The following IMMP2L variants were observed in gnomAD, a reference collection of about 807,000 sequenced individuals.
IMMP2L encodes inner mitochondrial membrane peptidase subunit 2.
Under a neutral mutation model 19.3 loss-of-function variants are expected in IMMP2L, and 18 were observed. The observed-to-expected ratio is 0.93, with a 90% CI of 0.64 to 1.38. IMMP2L has a LOEUF of 1.38. Ranked by LOEUF, IMMP2L falls within the 40% of genes most tolerant of loss-of-function variation. The pLI, the probability that IMMP2L is intolerant of heterozygous loss-of-function variation, is 0.00. For synonymous variants in IMMP2L, 76 were observed against 73.0 expected (o/e 1.04, Z -0.21); for missense variants, 233 against 218.2 (o/e 1.07, Z -0.43).
intron 3 of IMMP2L, among the ~76,000 whole-genome samples, chr7:111,186,047 T>C (rs1395457717): frequency 6.6e-6 from 1 of 152,174 alleles, no homozygotes; most frequent in Non-Finnish European, 1.5e-5. Flanking sequence ...GAAACAAATA[T>C]ATAATAACAT....
At chr7:111,288,538 T>C (rs1422431033) in intron 3 of IMMP2L, among the ~76,000 whole-genome samples, 1 of 152,166 alleles carries the variant, frequency 6.6e-6, no homozygotes, top group Non-Finnish European at 1.5e-5. Flanking sequence ...GACAAAGGGC[T>C]AATATCCAGA....
Position 110,747,946 on chromosome 7 carries a change from G to T in IMMP2L, c.409-84225C>A, listed in dbSNP as rs575867545. Among the ~76,000 whole-genome samples, 3 of 152,268 alleles carry T rather than the reference G, an allele frequency of 2.0e-5. No homozygotes were observed. The South Asian group carries it at 6.2e-4, about 32-fold the overall frequency. ...TAAAGGGTATTCAATTAGGAAAAGAGGAAGTCAAATTGTCTCTGTTTGAAG... is the reference window on the plus strand; with the variant it reads ...TAAAGGGTATTCAATTAGGAAAAGATGAAGTCAAATTGTCTCTGTTTGAAG... On this transcript the variant is annotated intron_variant, in intron 5 of 5. Coordinates refer to ENST00000405709, the MANE Select transcript of IMMP2L (RefSeq NM_032549.4).
chr7:111,445,008 A>G (rs573324230), intron 3 of IMMP2L, among the ~76,000 whole-genome samples: 3 of 152,258 alleles, frequency 2.0e-5, no homozygotes, highest in African/African-American at 7.2e-5. Flanking sequence ...TGAGCCTTAG[A>G]AGATTTTTCT....
intron 4 of IMMP2L, among the ~76,000 whole-genome samples, chr7:110,945,294 T>C (rs1329454310): frequency 6.6e-6 from 1 of 151,992 alleles, no homozygotes; most frequent in African/African-American, 2.4e-5. Flanking sequence ...AAAAGCATTC[T>C]TGTGGAAGTG....
Position 110,882,310 on chromosome 7 carries a change from TTCCTTCCTTCCTTCCTTCC to T in IMMP2L, c.408+4264_408+4282del, listed in dbSNP as rs946848254. Among the ~76,000 whole-genome samples the T allele has an allele frequency of 1.1e-4, 12 of 108,446 alleles. No homozygotes were observed. The East Asian group carries it at 3.2e-3, about 29-fold the overall frequency. 71.1% of individuals were successfully genotyped at this position (108,446 alleles called of 152,430 possible). Reference sequence around the variant, plus strand: ...GTGCCTTCCTTCCTTCCTTCCTTCCTTCCTTCCTTCCTTCCTTCCTTCCTTCCTTCCCTCCTTCCTCTCT... The same window carrying T: ...GTGCCTTCCTTCCTTCCTTCCTTCCTTTCCTTCCTTCCCTCCTTCCTCTCT... On this transcript the variant is annotated intron_variant, in intron 5 of 5. Transcript: ENST00000405709.
intron 3 of IMMP2L, among the ~76,000 whole-genome samples, chr7:111,369,296 T>C (rs1239629217): frequency 6.6e-6 from 1 of 151,990 alleles, no homozygotes; most frequent in Non-Finnish European, 1.5e-5. Flanking sequence ...ATGCATCTTC[T>C]ATAGGTTTTT....
At chr7:111,186,079 C>T (rs1432966109) in intron 3 of IMMP2L, among the ~76,000 whole-genome samples, 1 of 152,022 alleles carries the variant, frequency 6.6e-6, no homozygotes, top group African/African-American at 2.4e-5. Context: ...AAGTATTTTG[C>T]TAAATGAGTT....
At chr7:111,417,538 G>T (rs1452675178) in intron 3 of IMMP2L, among the ~76,000 whole-genome samples, 1 of 151,790 alleles carries the variant, frequency 6.6e-6, no homozygotes, top group Admixed American at 6.6e-5. Flanking sequence ...ATGGGGTCCT[G>T]ATATGAAGGT....
At chr7:111,008,937 G>A (rs1489054721) in intron 3 of IMMP2L, among the ~76,000 whole-genome samples, 1 of 152,084 alleles carries the variant, frequency 6.6e-6, no homozygotes, top group Non-Finnish European at 1.5e-5. Flanking sequence ...GCCACTTTGA[G>A]TCATCTCAGT....
At chr7:110,671,702 T>G (rs757217572) in intron 5 of IMMP2L, among the ~76,000 whole-genome samples, 3 of 151,986 alleles carry the variant, frequency 2.0e-5, no homozygotes, top group African/African-American at 7.3e-5. Context: ...CACAAACCTA[T>G]AGTCTACCTA....
chr7:111,153,288 T>C (rs1804275027), intron 3 of IMMP2L, among the ~76,000 whole-genome samples: 1 of 152,118 alleles, frequency 6.6e-6, no homozygotes, highest in Non-Finnish European at 1.5e-5. Flanking sequence ...CAAGGCCTTA[T>C]ACCTACTAAA....
intron 3 of IMMP2L, among the ~76,000 whole-genome samples, chr7:111,217,871 T>C (rs543418822): frequency 6.6e-6 from 1 of 152,176 alleles, no homozygotes; most frequent in Admixed American, 6.5e-5. Context: ...AAATTAAGTT[T>C]AGTATTTTTG....
chr7:111,070,702 G>T (rs537856240), intron 3 of IMMP2L, among the ~76,000 whole-genome samples: 1 of 152,194 alleles, frequency 6.6e-6, no homozygotes, highest in East Asian at 1.9e-4. Flanking sequence ...GCACCATAGT[G>T]GCCATATTTG....
At chr7:111,372,647 T>G (rs1470314062) in intron 3 of IMMP2L, among the ~76,000 whole-genome samples, 1 of 151,910 alleles carries the variant, frequency 6.6e-6, no homozygotes, top group Non-Finnish European at 1.5e-5. Flanking sequence ...GCAAATTCTG[T>G]TTCATAAAAT....
chr7:110,699,181 C>T (rs1794086020), intron 5 of IMMP2L, among the ~76,000 whole-genome samples: 2 of 152,198 alleles, frequency 1.3e-5, no homozygotes, highest in South Asian at 4.1e-4. Context: ...TCCCAAGCTT[C>T]TCTCAGTTGT....
At chr7:111,207,666 G>A (rs1172748901) in intron 3 of IMMP2L, among the ~76,000 whole-genome samples, 1 of 149,888 alleles carries the variant, frequency 6.7e-6, no homozygotes, top group African/African-American at 2.5e-5. Flanking sequence ...CTCCTGAGTA[G>A]CTGGGACTAC....
chr7:110,997,700 TCTAA>T (rs1454970782), intron 3 of IMMP2L, among the ~76,000 whole-genome samples: 3 of 152,148 alleles, frequency 2.0e-5, no homozygotes, highest in East Asian at 1.9e-4. Flanking sequence ...TTGCCCATTT[TCTAA>T]CTGTTTGCTT....
chr7:111,230,021 C>T (rs541280683), intron 3 of IMMP2L, among the ~76,000 whole-genome samples: 1 of 152,102 alleles, frequency 6.6e-6, no homozygotes, highest in African/African-American at 2.4e-5. Flanking sequence ...CTTTATGGAA[C>T]AACAGGGATT....
chr7:110,814,700 G>C (rs894971336), intron 5 of IMMP2L, among the ~76,000 whole-genome samples: 1 of 143,954 alleles, frequency 6.9e-6, no homozygotes, highest in Non-Finnish European at 1.5e-5. Flanking sequence ...GTCAAGTACA[G>C]ATATATATAT....
Sources: gnomAD v4.1 joint callset for allele counts (sites outside exome capture counted in the v4.1 genomes callset) on GRCh38, gnomAD v4.1.1 for gene constraint, MANE v1.5 for transcripts, NCBI Gene and HGNC (gene_info 2026-07-23, HGNC 2026-07-21) for gene names.